TMEM131L: variants seen among roughly 807,000 people sequenced by gnomAD.
The protein encoded by TMEM131L is transmembrane protein 131-like.
Under a neutral mutation model 192.2 loss-of-function variants are expected in TMEM131L, and 54 were observed. That is an observed-to-expected ratio of 0.28 (90% CI 0.23 to 0.35). The LOEUF (loss-of-function observed/expected upper bound fraction) is 0.35, where lower values mean the gene tolerates loss of function less well. Among genes scored for constraint, TMEM131L ranks in the 10% least tolerant of loss-of-function variants. The probability of loss-of-function intolerance (pLI) is 1.00; values close to 1 mark genes in which losing one functional copy is unlikely to be tolerated. For synonymous variants in TMEM131L, 701 were observed against 704.9 expected (o/e 0.99, Z 0.09); for missense variants, 1,888 against 1,972.9 (o/e 0.96, Z 0.82).
intron 30 of TMEM131L, among the ~76,000 whole-genome samples, chr4:153,626,995 TAAG>T (rs947127739): frequency 6.6e-6 from 1 of 152,174 alleles, no homozygotes; most frequent in Non-Finnish European, 1.5e-5. Context: ...GGAGCGTGGG[TAAG>T]AAGGAGGAGA....
intron 26 of TMEM131L, among the ~76,000 whole-genome samples, chr4:153,617,134 T>C (rs1733027184): frequency 6.6e-6 from 1 of 152,214 alleles, no homozygotes. Context: ...TTTCCTGTGC[T>C]GTTCTCGTGA....
intron 3 of TMEM131L, among the ~76,000 whole-genome samples, chr4:153,543,173 A>G (rs1246085918): frequency 6.6e-6 from 1 of 152,216 alleles, no homozygotes; most frequent in African/African-American, 2.4e-5. Flanking sequence ...CCTACCAAAA[A>G]ACTTTTTCTT....
At chr4:153,623,156 A>G (rs1733568589) in intron 29 of TMEM131L, 73 bp downstream of exon 29, 2 of 1,361,378 alleles carry the variant, frequency 1.5e-6, no homozygotes, top group South Asian at 2.9e-5. Context: ...CAGTCCACAC[A>G]GTCTCGATCT....
At chr4:153,595,538 AAAAC>A (rs1248177240) in intron 19 of TMEM131L, among the ~76,000 whole-genome samples, 1 of 152,186 alleles carries the variant, frequency 6.6e-6, no homozygotes, top group African/African-American at 2.4e-5. Flanking sequence ...TTAAAAGTTA[AAAAC>A]AAAGAGAAAT....
Position 153,586,370 on chromosome 4 carries a change from A to G in TMEM131L, c.1473A>G (p.Ala491=). 1.3e-6 allele frequency: 2 copies of G among 1,597,170 alleles called. No homozygotes were observed. The highest frequency in any genetic ancestry group is 8.5e-7 in the Non-Finnish European group (1 of 1,174,252). ...CAATACCTCTACAGATTTATTCAGC[A>G]CCAACCAAGGTATTTTCTACAATAC... ...IFAIPLQIYS[A]PTKEGSLGFE... Residue 491 remains alanine, a synonymous_variant, in exon 14 of 35, where the codon GCA becomes GCG. Coordinates refer to ENST00000409959, the MANE Select transcript of TMEM131L (RefSeq NM_001131007.2).
chr4:153,628,683 A>G (rs1254581126), intron 31 of TMEM131L, among the ~76,000 whole-genome samples: 1 of 152,232 alleles, frequency 6.6e-6, no homozygotes, highest in African/African-American at 2.4e-5. Context: ...CATAGTTTGC[A>G]AAGGCAAGAT....
chr4:153,602,501 A>G (rs779086111), intron 22 of TMEM131L, 41 bp from the exon 23 acceptor site: 2 of 1,600,978 alleles, frequency 1.2e-6, no homozygotes, highest in South Asian at 2.2e-5. Flanking sequence ...GCTAAAATCA[A>G]AACAATTAAA....
rs1462947285 is a variant in TMEM131L at position 153,612,339 on chromosome 4, A to G, written c.3506A>G (p.Lys1169Arg). 1 of 1,602,342 alleles carries G rather than the reference A, an allele frequency of 6.2e-7. No individual in the cohort carries two copies. The change falls in exon 26 of 35, where the codon AAG becomes AGG. Residue 1169 changes from lysine to arginine, a missense_variant. Physicochemically the swap from Lys to Arg is conservative, Grantham distance 26. Transcript: ENST00000409959. ...KVDTKPSSEK[K>R]IHKTSREDMF... is the part of the protein sequence containing the mutation. ...GACACAAAGCCTTCTTCAGAAAAGA[A>G]GATTCACAAAACATCTAGAGAAGAC...
chr4:153,580,612 G>A (rs1318054067), intron 7 of TMEM131L, among the ~76,000 whole-genome samples: 1 of 152,188 alleles, frequency 6.6e-6, no homozygotes. Flanking sequence ...TCATTAGAAT[G>A]TAAGCTCAGT....
At position 153,612,403 on chromosome 4, in the gene TMEM131L, C is replaced by T. The variant is rs1472638549; in HGVS notation, c.3567+3C>T. The T allele has an allele frequency of 1.3e-6, 2 of 1,577,568 alleles. No individual in the cohort carries two copies. The highest frequency in any genetic ancestry group is 2.3e-5 in the East Asian group (1 of 43,900). On this transcript the variant is annotated splice_donor_region_variant and intron_variant, in intron 26 of 34. Coordinates refer to ENST00000409959, the MANE Select transcript of TMEM131L (RefSeq NM_001131007.2). ...AACAGGACATACCTTTCGTAGAGGT[C>T]TGTATTTTTTTTCTTGCCTATTAAA... is the stretch of plus-strand genomic sequence containing the variant.
chr4:153,560,053 T>G, intron 7 of TMEM131L, among the ~76,000 whole-genome samples: 1 of 152,132 alleles, frequency 6.6e-6, no homozygotes, highest in East Asian at 1.9e-4. Flanking sequence ...TCATCCTTCC[T>G]TTTTCAACTC....
intron 32 of TMEM131L, 126 bp from the exon 33 acceptor site, chr4:153,634,066 C>A: frequency 2.6e-6 from 2 of 781,812 alleles, no homozygotes; most frequent in Non-Finnish European, 4.4e-6. Context: ...GAAAGTACAT[C>A]TTTTATTTTC....
intron 3 of TMEM131L, among the ~76,000 whole-genome samples, chr4:153,531,099 A>G (rs915771867): frequency 3.3e-5 from 5 of 152,240 alleles, no homozygotes; most frequent in African/African-American, 9.6e-5. Context: ...AGCAGCAGAT[A>G]GATGGATAAA....
chr4:153,632,549 A>G lies in TMEM131L; in HGVS notation c.4208-169A>G. The G allele has an allele frequency of 4.3e-6, 3 of 696,332 alleles. 1 individual carries two copies. The highest frequency in any genetic ancestry group is 5.6e-5 in the East Asian group (2 of 35,586). 43.1% of individuals were successfully genotyped at this position (696,332 alleles called of 1,614,324 possible). On this transcript the variant is annotated intron_variant, in intron 31 of 34. Transcript: ENST00000409959. ...CACTGTCTGAAGAAACGGTCAAAAC[A>G]ATATGCTGTATTTCAGAATTATATC...
intron 31 of TMEM131L, among the ~76,000 whole-genome samples, chr4:153,629,120 G>C (rs1243864430): frequency 2.0e-5 from 3 of 152,172 alleles, no homozygotes; most frequent in Non-Finnish European, 4.4e-5. Flanking sequence ...TGAAGCTGGA[G>C]AGCAGCATTC....
intron 3 of TMEM131L, among the ~76,000 whole-genome samples, chr4:153,474,996 A>C (rs1731429264): frequency 6.6e-6 from 1 of 151,634 alleles, no homozygotes; most frequent in South Asian, 2.1e-4. Flanking sequence ...CCAGACCCCC[A>C]GGGTGTAGGT....
intron 29 of TMEM131L, among the ~76,000 whole-genome samples, 197 bp downstream of exon 29, chr4:153,623,280 T>C (rs1733587176): frequency 2.6e-5 from 4 of 152,190 alleles, no homozygotes; most frequent in Admixed American, 2.0e-4. Flanking sequence ...GTCATAATCA[T>C]CATCATTGTT....
Position 153,585,602 on chromosome 4 carries a change from C to T in TMEM131L, c.1302C>T (p.His434=). Residue 434 remains histidine (H), a synonymous_variant, in exon 13 of 35, where the codon CAC becomes CAT. Transcript: ENST00000409959. The part of the protein sequence containing the change: ...NDVFLSKETK[H]MLKILNFTGP... Reference sequence around the variant, plus strand: ...TGTTTCTTTCCAAGGAGACCAAGCACATGTTAAAGGTACATATAGTATTTT... The same window carrying T: ...TGTTTCTTTCCAAGGAGACCAAGCATATGTTAAAGGTACATATAGTATTTT... The T allele has an allele frequency of 6.2e-7, 1 of 1,612,792 alleles. No individual in the cohort carries two copies. The highest frequency in any genetic ancestry group is 8.5e-7 in the Non-Finnish European group (1 of 1,179,360).
chr4:153,470,961 T>C (rs960736683), intron 2 of TMEM131L, among the ~76,000 whole-genome samples: 2 of 151,914 alleles, frequency 1.3e-5, no homozygotes, highest in African/African-American at 4.8e-5. Flanking sequence ...TTGAGTTTCT[T>C]GTAGTGCCTT....
Sources: allele counts gnomAD v4.1 joint callset (sites outside exome capture counted in the v4.1 genomes callset), GRCh38; gene constraint gnomAD v4.1.1; transcripts MANE v1.5; gene names NCBI Gene and HGNC (gene_info 2026-07-23, HGNC 2026-07-21).